CYB5R1: variants seen among roughly 807,000 people sequenced by gnomAD.
CYB5R1 encodes the protein cytochrome b5 reductase 1.
Under a neutral mutation model 37.4 loss-of-function variants are expected in CYB5R1, and 32 were observed. The ratio of observed to expected loss-of-function variants is 0.86; its 90% CI spans 0.65 to 1.15. The LOEUF is 1.15. Ranked by LOEUF, CYB5R1 falls within the 50% of genes most tolerant of loss-of-function variation. The probability of loss-of-function intolerance (pLI) is 0.00; values close to 1 mark genes in which losing one functional copy is unlikely to be tolerated. For missense variants in CYB5R1, 345 were observed against 382.5 expected (o/e 0.90, Z 0.82); for synonymous variants, 159 against 155.2 (o/e 1.02, Z -0.18).
At chr1:202,966,966 C>A in intron 1 of CYB5R1, 68 bp from the exon 2 acceptor site, 1 of 1,508,182 alleles carries the variant, frequency 6.6e-7, no homozygotes, top group Non-Finnish European at 8.9e-7. Flanking sequence ...GGTGACCGTC[C>A]CAGGGGTGGC....
chr1:202,964,715 G>A lies in CYB5R1; in HGVS notation c.476-20C>T. 1 of 1,564,752 alleles carries A rather than the reference G, an allele frequency of 6.4e-7. No homozygotes were observed. The highest frequency in any genetic ancestry group is 8.8e-7 in the Non-Finnish European group (1 of 1,134,918). ...AATGCCCTGAGAGGTCAGGTGAAGAGAGCAGTGGAAGAATAAAGTCAATAC... is the reference window on the plus strand; with the variant it reads ...AATGCCCTGAGAGGTCAGGTGAAGAAAGCAGTGGAAGAATAAAGTCAATAC... On this transcript the variant is annotated intron_variant, in intron 5 of 8. Coordinates refer to ENST00000367249, the MANE Select transcript of CYB5R1 (RefSeq NM_016243.3).
rs1654993797 is a variant in CYB5R1 at position 202,961,885 on chromosome 1, A to G, written c.*642T>C. ...GACACAACAACCCTTTCAATATCAC[A>G]CAGGGGCCTCAGCCCCATTTATTTG... On this transcript the variant is annotated 3_prime_UTR_variant, in exon 9 of 9. Transcript: ENST00000367249. 1 of 152,174 alleles carries G rather than the reference A, an allele frequency of 6.6e-6. No individual in the cohort carries two copies. The highest frequency in any genetic ancestry group is 2.4e-5 in the African/African-American group (1 of 41,432). The allele number at this position is 152,174 out of a possible 1,614,324, so 9.4% of individuals were successfully genotyped here.
intron 8 of CYB5R1, 90 bp downstream of exon 8, chr1:202,962,976 T>G (rs777279598): frequency 1.6e-6 from 2 of 1,248,524 alleles, no homozygotes; most frequent in African/African-American, 3.0e-5. Flanking sequence ...GAGGCAAGGT[T>G]GATTTCAATG....
At position 202,962,569 on chromosome 1, in the gene CYB5R1, C is replaced by G. The variant is rs768119285; in HGVS notation, c.876G>C (p.Leu292Phe). ...TCTTTTGTGAGTAGCCCAGTTTGTC[C>G]AAGTTGGGATGGCAGGCCAGCTGCA... ...PMVQLACHPN[L>F]DKLGYSQKMR... The change falls in exon 9 of 9, where the codon TTG (leucine) becomes TTC (phenylalanine). Residue 292 changes from leucine (L) to phenylalanine (F), a missense_variant. Coordinates refer to ENST00000367249, the MANE Select transcript of CYB5R1 (RefSeq NM_016243.3). 1 of 1,613,450 alleles carries G rather than the reference C, an allele frequency of 6.2e-7. No individual in the cohort carries two copies. The highest frequency in any genetic ancestry group is 1.1e-5 in the South Asian group (1 of 91,064).
chr1:202,964,928 C>G (rs1374866996), intron 5 of CYB5R1: 19 of 544,888 alleles, frequency 3.5e-5, no homozygotes, highest in Middle Eastern at 5.0e-4. Flanking sequence ...GTATCAGCTG[C>G]TTCTGGCAAA....
Position 202,967,240 on chromosome 1 carries a change from C to A in CYB5R1, c.-35G>T, listed in dbSNP as rs372193496. 6 of 1,607,458 alleles carry A rather than the reference C, an allele frequency of 3.7e-6. No homozygotes were observed. In the African/African-American group the frequency reaches 4.0e-5, roughly 11 times the overall value. On this transcript the variant is annotated 5_prime_UTR_variant, in exon 1 of 9. Transcript: ENST00000367249. Reference sequence around the variant, plus strand: ...CCTTTTCCTCCACCACCTGACAAGCCGACAGATCCCACAATGCGCCGCGGG... The same window carrying A: ...CCTTTTCCTCCACCACCTGACAAGCAGACAGATCCCACAATGCGCCGCGGG...
intron 4 of CYB5R1, 78 bp from the exon 5 acceptor site, chr1:202,965,578 G>A: frequency 7.1e-7 from 1 of 1,407,636 alleles, no homozygotes; most frequent in Non-Finnish European, 9.6e-7. Flanking sequence ...ACCTCCCTGA[G>A]GCTGGGGCAG....
At chr1:202,965,769 A>G in intron 4 of CYB5R1, 118 bp downstream of exon 4, 1 of 780,584 alleles carries the variant, frequency 1.3e-6, no homozygotes, top group Non-Finnish European at 2.1e-6. Flanking sequence ...AGTAGCTCAT[A>G]CTTTCTTCAC....
chr1:202,964,560 G>T, intron 6 of CYB5R1, 52 bp downstream of exon 6: 2 of 1,372,136 alleles, frequency 1.5e-6, no homozygotes, highest in East Asian at 2.3e-5. Context: ...CTAGGAATTT[G>T]CATGGCAACA....
chr1:202,963,792 G>C (rs555783305), intron 6 of CYB5R1, 65 bp from the exon 7 acceptor site: 3 of 1,112,054 alleles, frequency 2.7e-6, no homozygotes, highest in Non-Finnish European at 3.8e-6. Context: ...TGGCTCCTTA[G>C]CTGACCAGCC....
At chr1:202,965,159 T>C (rs1655060564) in intron 5 of CYB5R1, 1 of 576,630 alleles carries the variant, frequency 1.7e-6, no homozygotes, top group African/African-American at 1.9e-5. Flanking sequence ...ACAGCTGCCA[T>C]GGCTAGGGAA....
chr1:202,965,630 T>G, intron 4 of CYB5R1, 130 bp from the exon 5 acceptor site: 1 of 983,282 alleles, frequency 1.0e-6, no homozygotes, highest in Non-Finnish European at 1.4e-6. Context: ...ACATACTTTC[T>G]TTCTTTCTTT....
rs1337663115 is a variant in CYB5R1, at chr1:202,962,355, G to C, written c.*172C>G. 1 of 814,290 alleles carries C rather than the reference G, an allele frequency of 1.2e-6. No individual in the cohort carries two copies. The highest frequency in any genetic ancestry group is 1.7e-5 in the African/African-American group (1 of 57,974). 50.4% of individuals were successfully genotyped at this position (814,290 alleles called of 1,614,324 possible). On this transcript the variant is annotated 3_prime_UTR_variant, in exon 9 of 9. Transcript: ENST00000367249. ...GCCATCCAAGGAGTGACTGAGCCTT[G>C]GCCCTCTTCCATGGCTACAGGAATA...
rs992172126 is a variant in CYB5R1, at chr1:202,965,139, A to C, written c.475+232T>G. 1.1e-4 allele frequency: 58 copies of C among 520,684 alleles called. 1 individual carries two copies. The highest frequency in any genetic ancestry group is 2.0e-5 in the Non-Finnish European group (6 of 301,550). 32.3% of individuals were successfully genotyped at this position (520,684 alleles called of 1,614,324 possible). ...GGGAAGAGGGGCACATGTTTGCTTTAGTAATCTCCACAGCTGCCATGGCTA... is the reference window on the plus strand; with the variant it reads ...GGGAAGAGGGGCACATGTTTGCTTTCGTAATCTCCACAGCTGCCATGGCTA... On this transcript the variant is annotated intron_variant, in intron 5 of 8. Coordinates refer to ENST00000367249, the MANE Select transcript of CYB5R1 (RefSeq NM_016243.3).
chr1:202,964,778 C>T, intron 5 of CYB5R1, 83 bp from the exon 6 acceptor site: 1 of 1,005,568 alleles, frequency 9.9e-7, no homozygotes. Flanking sequence ...TGAAAATATG[C>T]CTGAGGCCAG....
rs185092173 is a variant in CYB5R1, at chr1:202,966,637, G to A, written c.166-37C>T. On this transcript the variant is annotated intron_variant, in intron 2 of 8. Coordinates refer to ENST00000367249, the MANE Select transcript of CYB5R1 (RefSeq NM_016243.3). ...AGGACACAAGTGTTTCACCAAGCGC[G>A]CCTGGCGCTGCCACGTCCCTTGGAC... 2.3e-4 allele frequency: 376 copies of A among 1,613,832 alleles called. 1 individual carries two copies. The East Asian group carries it at 4.5e-3, about 19-fold the overall frequency.
intron 6 of CYB5R1, 63 bp downstream of exon 6, chr1:202,964,548 AC>A: frequency 8.0e-7 from 1 of 1,243,762 alleles, no homozygotes. Flanking sequence ...TCAGAGGGTC[AC>A]CTAGGAATTT....
chr1:202,966,707 C>G (rs1309114334), intron 2 of CYB5R1, 42 bp downstream of exon 2: 9 of 1,612,296 alleles, frequency 5.6e-6, no homozygotes, highest in African/African-American at 1.3e-5. Context: ...CAGGAGCACT[C>G]TGGTCCCCTC....
rs1339905547 is a variant in CYB5R1, at chr1:202,966,510, A to G, written c.238+18T>C. 1 of 1,613,142 alleles carries G rather than the reference A, an allele frequency of 6.2e-7. No individual in the cohort carries two copies. Among genetic ancestry groups the G allele is most frequent in the East Asian group, 2.2e-5 (1 of 44,892 alleles). On this transcript the variant is annotated intron_variant, in intron 3 of 8. Transcript: ENST00000367249. Reference sequence around the variant, plus strand: ...CTGAGGATACCAGGGAAAGGAGCCCATTCCACACTTTCCTTACCCACAGGC... The same window carrying G: ...CTGAGGATACCAGGGAAAGGAGCCCGTTCCACACTTTCCTTACCCACAGGC...
Sources: allele counts gnomAD v4.1 joint callset, GRCh38; gene constraint gnomAD v4.1.1; transcripts MANE v1.5; gene names NCBI Gene and HGNC (gene_info 2026-07-23, HGNC 2026-07-21).